Variants in RPA1 observed in about 807,000 individuals in gnomAD.
The protein encoded by RPA1 is replication protein A1.
Under a neutral mutation model 83.0 loss-of-function variants are expected in RPA1, and 49 were observed. The observed-to-expected ratio is 0.59, with a 90% confidence interval of 0.47 to 0.75. The LOEUF is 0.75. Among genes scored for constraint, RPA1 ranks in the 30% least tolerant of loss-of-function variants. The pLI, the probability that RPA1 is intolerant of heterozygous loss-of-function variation, is 0.00. For missense variants in RPA1, 693 were observed against 776.1 expected (o/e 0.89, Z 1.27); for synonymous variants, 279 against 281.8 (o/e 0.99, Z 0.10).
At chr17:1,888,610 G>C (rs1914082687) in intron 13 of RPA1, 65 bp from the exon 14 acceptor site, 2 of 1,520,818 alleles carry the variant, frequency 1.3e-6, no homozygotes, top group Non-Finnish European at 1.8e-6. Context: ...GCTTTGAGCT[G>C]CCTCTCGGTC....
At chr17:1,873,252 C>T (rs1913444354) in intron 6 of RPA1, among the ~76,000 whole-genome samples, 1 of 152,168 alleles carries the variant, frequency 6.6e-6, no homozygotes, top group South Asian at 2.1e-4. Flanking sequence ...CATAGGTTCT[C>T]CTTCTCAATT....
In RPA1 at chr17:1,886,934, A is replaced by G. The variant is rs1339867291; in HGVS notation, c.1375-1741A>G. Among the ~76,000 whole-genome samples, 5 of 152,030 alleles carry G rather than the reference A, an allele frequency of 3.3e-5. No homozygotes were observed. In the East Asian group the frequency reaches 9.7e-4, roughly 30 times the overall value. ...CTCTGCCTCCCAAAGTGCTGGGATT[A>G]CAGGTGTGAGCCACTGCACCTGGCC... On this transcript the variant is annotated intron_variant, in intron 13 of 16. Coordinates refer to ENST00000254719, the MANE Select transcript of RPA1 (RefSeq NM_002945.5).
chr17:1,886,705 C>CTTT lies in RPA1; in HGVS notation c.1375-1953_1375-1951dup, dbSNP rs57659628. Among the ~76,000 whole-genome samples, 178 of 125,434 alleles carry CTTT rather than the reference C, an allele frequency of 1.4e-3. 4 individuals carry two copies. Among genetic ancestry groups the CTTT allele is most frequent in the Middle Eastern group, 4.0e-3 (1 of 248 alleles). 82.3% of individuals were successfully genotyped at this position (125,434 alleles called of 152,430 possible). On this transcript the variant is annotated intron_variant, in intron 13 of 16. Coordinates refer to ENST00000254719, the MANE Select transcript of RPA1 (RefSeq NM_002945.5). ...CTGGCTGCCATCTTTTCTTCTGCAG[C>CTTT]TTTTTTTTTTTTTTTTTTTGAGACA...
chr17:1,843,598 CATTATTATTATTATTATT>C (rs139126914), intron 2 of RPA1, among the ~76,000 whole-genome samples: 6 of 141,118 alleles, frequency 4.3e-5, no homozygotes, highest in South Asian at 2.3e-4. Context: ...TTGGGTGCTT[CATTATTATTATTATTATT>C]ATTATTATTA....
intron 1 of RPA1, among the ~76,000 whole-genome samples, chr17:1,837,844 A>AT (rs1359903178): frequency 5.9e-5 from 9 of 151,714 alleles, no homozygotes; most frequent in African/African-American, 9.7e-5. Flanking sequence ...TATTACATAT[A>AT]TTTTTTCCCA....
At chr17:1,896,643 C>T (rs1597465311) in intron 16 of RPA1, among the ~76,000 whole-genome samples, 1 of 152,182 alleles carries the variant, frequency 6.6e-6, no homozygotes, top group Non-Finnish European at 1.5e-5. Context: ...GGTCCTCTCC[C>T]TCTGCTGCAG....
intron 4 of RPA1, among the ~76,000 whole-genome samples, chr17:1,846,311 C>CTT (rs71150823): frequency 0.039 from 2,972 of 75,726 alleles, 239 homozygotes; most frequent in African/African-American, 0.063. Context: ...GGAAGCTTTG[C>CTT]TTTTTTTTTT....
chr17:1,875,093 T>A (rs1460740394), intron 6 of RPA1, among the ~76,000 whole-genome samples: 2 of 152,218 alleles, frequency 1.3e-5, no homozygotes, highest in Non-Finnish European at 2.9e-5. Flanking sequence ...TAACATATCT[T>A]GACCAAAAAC....
intron 8 of RPA1, 133 bp downstream of exon 8, chr17:1,877,447 A>T (rs543693164): frequency 1.4e-6 from 1 of 709,500 alleles, no homozygotes; most frequent in Admixed American, 2.4e-5. Context: ...GCTCGCCGAG[A>T]AACAGAAGGC....
intron 13 of RPA1, among the ~76,000 whole-genome samples, chr17:1,887,553 G>A (rs1178794013): frequency 1.4e-5 from 2 of 147,566 alleles, no homozygotes; most frequent in Non-Finnish European, 3.0e-5. Flanking sequence ...GCGAGACTCC[G>A]TCTCAGAAAA....
At chr17:1,841,959 G>A (rs17338551) in intron 1 of RPA1, among the ~76,000 whole-genome samples, 1 of 151,992 alleles carries the variant, frequency 6.6e-6, no homozygotes, top group African/African-American at 2.4e-5. Context: ...AATCACACTT[G>A]GATAATATGT....
chr17:1,872,760 T>G (rs1479545890), intron 6 of RPA1, among the ~76,000 whole-genome samples: 2 of 144,474 alleles, frequency 1.4e-5, no homozygotes, highest in African/African-American at 5.1e-5. Context: ...TCAGCGGGGC[T>G]GGAGTGCAGT....
intron 4 of RPA1, among the ~76,000 whole-genome samples, chr17:1,845,162 TTGTGTGTG>T (rs71150822): frequency 8.4e-4 from 119 of 141,662 alleles, no homozygotes; most frequent in African/African-American, 2.6e-3. Flanking sequence ...TAATGCTGCT[TTGTGTGTG>T]TGTGTGTGTG....
chr17:1,849,376 T>C (rs1743180861), intron 4 of RPA1, among the ~76,000 whole-genome samples: 1 of 142,220 alleles, frequency 7.0e-6, no homozygotes, highest in South Asian at 2.2e-4. Flanking sequence ...CACTGCAAGC[T>C]CCGCCTCCCG....
chr17:1,839,116 A>G (rs534367164), intron 1 of RPA1, among the ~76,000 whole-genome samples: 1 of 152,144 alleles, frequency 6.6e-6, no homozygotes, highest in Admixed American at 6.6e-5. Flanking sequence ...TCGGCCTCCC[A>G]AAGTGCTGGG....
At chr17:1,841,049 C>T (rs900237660) in intron 1 of RPA1, among the ~76,000 whole-genome samples, 4 of 151,980 alleles carry the variant, frequency 2.6e-5, no homozygotes, top group Non-Finnish European at 1.5e-5. Flanking sequence ...CACGACAGAG[C>T]GAAACTCCGT....
intron 12 of RPA1, among the ~76,000 whole-genome samples, chr17:1,883,226 G>A (rs949903178): frequency 2.0e-5 from 3 of 152,068 alleles, no homozygotes; most frequent in Non-Finnish European, 1.5e-5. Context: ...GCGCCATCTC[G>A]GCTCACTGCA....
intron 1 of RPA1, chr17:1,830,777 T>C (rs1187868243): frequency 2.8e-5 from 3 of 107,744 alleles, no homozygotes; most frequent in African/African-American, 1.0e-4. Context: ...TTCTTTTTTT[T>C]TCTCCAGCCT....
rs572005900 is a variant in RPA1 at position 1,870,790 on chromosome 17, T to A, written c.362-1644T>A. The stretch of plus-strand genomic sequence containing the variant: ...CTTTTCAACAAAGTTCTTAAGCAGA[T>A]ATGATCTCAGCAGGGGATTTTCTAG... On this transcript the variant is annotated intron_variant, in intron 5 of 16. Coordinates refer to ENST00000254719, the MANE Select transcript of RPA1 (RefSeq NM_002945.5). Among the ~76,000 whole-genome samples the A allele has an allele frequency of 2.0e-5, 3 of 152,336 alleles. No individual in the cohort carries two copies. The East Asian group carries it at 5.8e-4, about 29-fold the overall frequency.
Sources: allele counts gnomAD v4.1 joint callset (sites outside exome capture counted in the v4.1 genomes callset), GRCh38; gene constraint gnomAD v4.1.1; transcripts MANE v1.5; gene names NCBI Gene and HGNC (gene_info 2026-07-23, HGNC 2026-07-21).